TMEM169: variants seen among roughly 807,000 people sequenced by gnomAD.
The protein encoded by TMEM169 is transmembrane protein 169.
A neutral mutation model predicts 27.3 loss-of-function variants in TMEM169; 18 were observed. The observed-to-expected ratio is 0.66, with a 90% confidence interval of 0.46 to 0.98. TMEM169 has a LOEUF of 0.98. TMEM169 is among the 50% of genes least tolerant of loss of function. The probability of loss-of-function intolerance (pLI) is 0.00; values close to 1 mark genes in which losing one functional copy is unlikely to be tolerated. For missense variants in TMEM169, 320 were observed against 368.6 expected (o/e 0.87, Z 1.08); for synonymous variants, 136 against 142.1 (o/e 0.96, Z 0.30).
In TMEM169 at chr2:216,100,590, A is replaced by T. The variant is rs752507506; in HGVS notation, c.*48A>T. ...CTCTGGCCCCAGTAGCCTATATATC[A>T]TCTTAAAATTCCAGCAGATTATTTC... On this transcript the variant is annotated 3_prime_UTR_variant, in exon 3 of 3. Transcript: ENST00000437356. The T allele has an allele frequency of 1.9e-6, 3 of 1,609,262 alleles. No homozygotes were observed. In the African/African-American group the frequency reaches 4.0e-5, roughly 22 times the overall value.
chr2:216,096,526 G>A (rs1191938450), intron 2 of TMEM169, among the ~76,000 whole-genome samples: 1 of 152,056 alleles, frequency 6.6e-6, no homozygotes, highest in Non-Finnish European at 1.5e-5. Context: ...CACCATGCCG[G>A]GCTAGTTTTT....
rs1002139312 is a variant in TMEM169, at chr2:216,100,260, C to A, written c.612C>A (p.Ile204=). ...AGGAAAGGACCTTCTGGCACAAGAT[C>A]TCGTATTGCCCTTGCCTCGTTCTCT... The part of the protein sequence containing the change: ...YNEERTFWHK[I]SYCPCLVLFY... Residue 204 remains isoleucine, a synonymous_variant, in exon 3 of 3, where the codon ATC becomes ATA. Transcript: ENST00000437356. The A allele has an allele frequency of 1.2e-6, 2 of 1,613,840 alleles. No individual in the cohort carries two copies. Among genetic ancestry groups the A allele is most frequent in the Admixed American group, 1.7e-5 (1 of 59,952 alleles).
intron 2 of TMEM169, 132 bp downstream of exon 2, chr2:216,096,366 T>A: frequency 9.2e-7 from 1 of 1,090,526 alleles, no homozygotes. Context: ...TATTACCACC[T>A]TTTATTTATT....
rs1205888354 is a variant in TMEM169 at position 216,101,713 on chromosome 2, C to T, written c.*1171C>T. On this transcript the variant is annotated 3_prime_UTR_variant, in exon 3 of 3. Coordinates refer to ENST00000437356, the MANE Select transcript of TMEM169 (RefSeq NM_001142311.2). ...GCCCAGGCTGGTCTTGAACTCCTGACCTCAGGTGATCCGCCTGCCTCGGCC... is the reference window on the plus strand; with the variant it reads ...GCCCAGGCTGGTCTTGAACTCCTGATCTCAGGTGATCCGCCTGCCTCGGCC... 1 of 152,082 alleles carries T rather than the reference C, an allele frequency of 6.6e-6. No individual in the cohort carries two copies. Among genetic ancestry groups the T allele is most frequent in the Non-Finnish European group, 1.5e-5 (1 of 68,032 alleles). The allele number at this position is 152,082 out of a possible 1,614,324, so 9.4% of individuals were successfully genotyped here. A position where few individuals can be genotyped will look rare whatever the true frequency, so the allele number is the denominator to read the frequency against.
rs1037461482 is a variant in TMEM169, at chr2:216,099,759, G to A, written c.272-161G>A. 6.6e-6 allele frequency among the ~76,000 whole-genome samples: 1 copy of A among 152,076 alleles called. No homozygotes were observed. The highest frequency in any genetic ancestry group is 2.4e-5 in the African/African-American group (1 of 41,378). On this transcript the variant is annotated intron_variant, in intron 2 of 2. Transcript: ENST00000437356. This position sits in a 1 kb window ranked among gnomAD's most constrained non-coding sequence, Gnocchi z 5.0. ...ATAACACCAGTGGTCACTCTCCCGA[G>A]GGAGACCCACTCAGTCCGCCATTGA...
Position 216,101,329 on chromosome 2 carries a change from T to C in TMEM169, c.*787T>C, listed in dbSNP as rs1480745587. 6.6e-6 allele frequency: 1 copy of C among 152,302 alleles called. No individual in the cohort carries two copies. The highest frequency in any genetic ancestry group is 1.5e-5 in the Non-Finnish European group (1 of 68,128). The allele number at this position is 152,302 out of a possible 1,614,324, so 9.4% of individuals were successfully genotyped here. ...AGTCCCACTCGATTCTTCTTATATCTCATTGGCAAGACCTCAGTCACATGA... is the reference window on the plus strand; with the variant it reads ...AGTCCCACTCGATTCTTCTTATATCCCATTGGCAAGACCTCAGTCACATGA... On this transcript the variant is annotated 3_prime_UTR_variant, in exon 3 of 3. Transcript: ENST00000437356.
intron 1 of TMEM169, among the ~76,000 whole-genome samples, chr2:216,090,222 G>A (rs1474609694): frequency 6.6e-6 from 1 of 152,216 alleles, no homozygotes; most frequent in Non-Finnish European, 1.5e-5. Flanking sequence ...GAGTTTGAAG[G>A]CAAAGGGGAA....
At chr2:216,085,283 C>T (rs373744893) in intron 1 of TMEM169, among the ~76,000 whole-genome samples, 4 of 151,960 alleles carry the variant, frequency 2.6e-5, no homozygotes, top group East Asian at 2.0e-4. Flanking sequence ...TGGTGGCACA[C>T]GCCTGTAATC....
intron 1 of TMEM169, among the ~76,000 whole-genome samples, chr2:216,094,799 C>T (rs1696222718): frequency 6.6e-6 from 1 of 152,158 alleles, no homozygotes; most frequent in African/African-American, 2.4e-5. Flanking sequence ...GACAGATATA[C>T]AGACCTGCAC....
intron 1 of TMEM169, among the ~76,000 whole-genome samples, chr2:216,091,728 G>T (rs527822127): frequency 9.2e-5 from 14 of 152,184 alleles, no homozygotes; most frequent in African/African-American, 2.9e-4. Flanking sequence ...ATAAATTCTT[G>T]TTGTTTATAA....
intron 1 of TMEM169, among the ~76,000 whole-genome samples, chr2:216,091,425 C>T (rs1271760195): frequency 2.0e-5 from 3 of 151,990 alleles, no homozygotes; most frequent in East Asian, 1.9e-4. Context: ...GGCATGGTGG[C>T]GTGTGCCTGT....
At chr2:216,087,518 T>G (rs896264881) in intron 1 of TMEM169, among the ~76,000 whole-genome samples, 9 of 152,190 alleles carry the variant, frequency 5.9e-5, no homozygotes, top group Non-Finnish European at 1.3e-4. Context: ...GTCCTTAATA[T>G]AGGAAATGGG....
chr2:216,083,261 C>T (rs527411350), intron 1 of TMEM169, among the ~76,000 whole-genome samples: 7 of 152,304 alleles, frequency 4.6e-5, no homozygotes, highest in East Asian at 1.9e-4. Context: ...AAAATTACAA[C>T]GCCATCACCT....
intron 1 of TMEM169, among the ~76,000 whole-genome samples, chr2:216,090,985 T>A (rs1696107310): frequency 6.6e-6 from 1 of 152,204 alleles, no homozygotes; most frequent in Non-Finnish European, 1.5e-5. Flanking sequence ...GTGAATACAT[T>A]TTTGAAAGCC....
In TMEM169 at chr2:216,100,267, T is replaced by C; in HGVS notation, c.619T>C (p.Cys207Arg). Residue 207 changes from cysteine (C) to arginine (R), a missense_variant, in exon 3 of 3, where the codon TGC becomes CGC. Transcript: ENST00000437356. ...ERTFWHKISY[C>R]PCLVLFYPVL... is the part of the protein sequence containing the mutation. ...GACCTTCTGGCACAAGATCTCGTAT[T>C]GCCCTTGCCTCGTTCTCTTCTATCC... The C allele has an allele frequency of 6.2e-7, 1 of 1,613,698 alleles. No homozygotes were observed. Among genetic ancestry groups the C allele is most frequent in the South Asian group, 1.1e-5 (1 of 91,074 alleles).
intron 1 of TMEM169, among the ~76,000 whole-genome samples, chr2:216,093,752 CA>C (rs1305431396): frequency 2.6e-5 from 4 of 151,886 alleles, no homozygotes; most frequent in African/African-American, 9.7e-5. Context: ...GAGAAAAAGC[CA>C]TTCCATTGAG....
At chr2:216,096,365 CT>C (rs1190305066) in intron 2 of TMEM169, 131 bp downstream of exon 2, 1 of 1,108,002 alleles carries the variant, frequency 9.0e-7, no homozygotes, top group Admixed American at 2.7e-5. Flanking sequence ...ATATTACCAC[CT>C]TTTATTTATT....
intron 2 of TMEM169, among the ~76,000 whole-genome samples, chr2:216,098,936 G>T (rs935118181): frequency 7.3e-5 from 11 of 151,576 alleles, no homozygotes; most frequent in African/African-American, 2.2e-4. Flanking sequence ...TGTGGTGTGT[G>T]TGTAGAATGT....
chr2:216,095,109 C>CTTTTTTTTTTTTTTTTTTTT (rs71047975), intron 1 of TMEM169, among the ~76,000 whole-genome samples: 5 of 110,474 alleles, frequency 4.5e-5, no homozygotes, highest in African/African-American at 1.2e-4. Context: ...TTTTTTCTTT[C>CTTTTTTTTTTTTTTTTTTTT]TTTTTTTTTT....
Sources: gnomAD v4.1 joint callset for allele counts (sites outside exome capture counted in the v4.1 genomes callset) on GRCh38, gnomAD v4.1.1 for gene constraint, Gnocchi (gnomAD v3.1) non-coding constraint, MANE v1.5 for transcripts, NCBI Gene and HGNC (gene_info 2026-07-23, HGNC 2026-07-21) for gene names.